The following DCC variants were observed in gnomAD, a reference collection of about 807,000 sequenced individuals.
DCC encodes netrin receptor DCC.
In DCC, 58 loss-of-function variants were observed where a neutral mutation model predicts 172.5. That is an observed-to-expected ratio of 0.34 (90% CI 0.27 to 0.42). DCC has a LOEUF of 0.42. Ranked by LOEUF, DCC falls within the 10% of genes least tolerant of loss-of-function variation. DCC has a pLI of 1.00. For synonymous variants in DCC, 709 were observed against 644.5 expected (o/e 1.10, Z -1.52); for missense variants, 1,740 against 1,791.0 (o/e 0.97, Z 0.51).
At chr18:52,912,901 G>C (rs1412134669) in intron 3 of DCC, among the ~76,000 whole-genome samples, 1 of 151,952 alleles carries the variant, frequency 6.6e-6, no homozygotes, top group African/African-American at 2.4e-5. Context: ...AAAGCTGCAA[G>C]GCCATGCTAT....
intron 5 of DCC, among the ~76,000 whole-genome samples, chr18:52,967,300 CCTT>C (rs1361420121): frequency 6.6e-6 from 1 of 152,142 alleles, no homozygotes; most frequent in Non-Finnish European, 1.5e-5. Flanking sequence ...CCTCTGTAGA[CCTT>C]CTCCCAAGGT....
At chr18:52,719,205 C>CATCCTGAG (rs1404579119) in intron 1 of DCC, among the ~76,000 whole-genome samples, 2 of 151,850 alleles carry the variant, frequency 1.3e-5, no homozygotes, top group Non-Finnish European at 1.5e-5. Context: ...AGGATGATTT[C>CATCCTGAG]ATCCTGAGAT....
intron 2 of DCC, among the ~76,000 whole-genome samples, chr18:52,784,852 G>A (rs1274663992): frequency 6.7e-6 from 1 of 149,920 alleles, no homozygotes; most frequent in Non-Finnish European, 1.5e-5. Context: ...GGGTTAAGAA[G>A]TAGAAAATTT....
rs940322443 is a variant in DCC at position 52,531,720 on chromosome 18, C to T, written c.91+190842C>T. The stretch of plus-strand genomic sequence containing the variant: ...ATACTGCTATCTTAGACTATTTCAA[C>T]GACATCCCTTGACATCCATATTCCT... On this transcript the variant is annotated intron_variant, in intron 1 of 28. Transcript: ENST00000442544. 2.6e-5 allele frequency among the ~76,000 whole-genome samples: 4 copies of T among 152,098 alleles called. No homozygotes were observed. The East Asian group carries it at 5.8e-4, about 22-fold the overall frequency.
At chr18:53,106,129 ATTG>A (rs2043242997) in intron 7 of DCC, among the ~76,000 whole-genome samples, 1 of 151,708 alleles carries the variant, frequency 6.6e-6, no homozygotes, top group Non-Finnish European at 1.5e-5. Flanking sequence ...GACACATCAG[ATTG>A]TTTTCTCTTT....
At chr18:53,419,771 A>T (rs911141394) in intron 21 of DCC, among the ~76,000 whole-genome samples, 6 of 152,148 alleles carry the variant, frequency 3.9e-5, no homozygotes, top group African/African-American at 1.4e-4. Context: ...ATTGAAACAC[A>T]GCTAGTAAGT....
At chr18:52,749,907 CTTG>C (rs2036969120) in intron 1 of DCC, among the ~76,000 whole-genome samples, 1 of 152,150 alleles carries the variant, frequency 6.6e-6, no homozygotes, top group African/African-American at 2.4e-5. Context: ...ATTAATGCTA[CTTG>C]TATGGAAATT....
At chr18:52,389,338 C>T (rs8087381) in intron 1 of DCC, among the ~76,000 whole-genome samples, 7,267 of 152,110 alleles carry the variant, frequency 0.048, 551 homozygotes, top group African/African-American at 0.16. Flanking sequence ...TCTCAAATAT[C>T]GCATGGAACA....
intron 2 of DCC, among the ~76,000 whole-genome samples, chr18:52,855,227 T>C (rs753420166): frequency 3.9e-5 from 6 of 152,192 alleles, no homozygotes; most frequent in Non-Finnish European, 8.8e-5. Context: ...CTTTTTCTCC[T>C]TATCCCAAGT....
chr18:52,632,182 A>G (rs2144881947), intron 1 of DCC, among the ~76,000 whole-genome samples: 1 of 152,312 alleles, frequency 6.6e-6, no homozygotes, highest in East Asian at 1.9e-4. Flanking sequence ...TGGTAAGTAA[A>G]TATTCATAAA....
chr18:53,046,417 A>G (rs1247153855), intron 5 of DCC, among the ~76,000 whole-genome samples: 1 of 151,896 alleles, frequency 6.6e-6, no homozygotes, highest in Non-Finnish European at 1.5e-5. Flanking sequence ...TGAATTGTTC[A>G]AGCTGAATAG....
At chr18:52,677,542 A>G (rs1007997652) in intron 1 of DCC, among the ~76,000 whole-genome samples, 4 of 152,078 alleles carry the variant, frequency 2.6e-5, no homozygotes, top group African/African-American at 9.7e-5. Flanking sequence ...TCAACCCATA[A>G]ATACATTCAT....
rs191434525 is a variant in DCC at position 52,455,329 on chromosome 18, C to T, written c.91+114451C>T. On this transcript the variant is annotated intron_variant, in intron 1 of 28. Transcript: ENST00000442544. Reference sequence around the variant, plus strand: ...CTGCAAGTCTTTTATTTACATCATCCATTTTTCATCCTTGATTATTCAGAA... The same window carrying T: ...CTGCAAGTCTTTTATTTACATCATCTATTTTTCATCCTTGATTATTCAGAA... 1.4e-3 allele frequency among the ~76,000 whole-genome samples: 215 copies of T among 152,236 alleles called. 8 individuals are homozygous for T. The highest frequency in any genetic ancestry group is 0.013 in the Admixed American group (206 of 15,278).
At chr18:52,923,040 G>A (rs2040148425) in intron 3 of DCC, among the ~76,000 whole-genome samples, 1 of 152,118 alleles carries the variant, frequency 6.6e-6, no homozygotes, top group African/African-American at 2.4e-5. Context: ...TGAAGTAGAA[G>A]GATGCAGAGA....
chr18:52,735,210 C>G (rs2036706270), intron 1 of DCC, among the ~76,000 whole-genome samples: 2 of 152,080 alleles, frequency 1.3e-5, no homozygotes, highest in South Asian at 4.1e-4. Context: ...GAGACCTTCC[C>G]CAGGAATTCC....
intron 12 of DCC, among the ~76,000 whole-genome samples, chr18:53,249,716 A>T (rs2144655265): frequency 6.6e-6 from 1 of 152,112 alleles, no homozygotes; most frequent in Non-Finnish European, 1.5e-5. Context: ...CCACATTTTA[A>T]AAAACAATAT....
At chr18:53,009,188 G>C (rs2041691332) in intron 5 of DCC, among the ~76,000 whole-genome samples, 1 of 151,960 alleles carries the variant, frequency 6.6e-6, no homozygotes, top group East Asian at 1.9e-4. Context: ...GAAGCATGAT[G>C]TCTTTCTTAT....
intron 1 of DCC, among the ~76,000 whole-genome samples, chr18:52,384,252 A>G (rs1432182998): frequency 6.6e-6 from 1 of 152,026 alleles, no homozygotes; most frequent in African/African-American, 2.4e-5. Context: ...ATCATTAGAG[A>G]CCTCTGTGCA....
intron 5 of DCC, among the ~76,000 whole-genome samples, chr18:52,927,951 A>G (rs2040245255): frequency 6.6e-6 from 1 of 152,118 alleles, no homozygotes; most frequent in Non-Finnish European, 1.5e-5. Flanking sequence ...TTCTACCATA[A>G]AGATACATAC....
Sources: allele counts gnomAD v4.1 joint callset (sites outside exome capture counted in the v4.1 genomes callset), GRCh38; gene constraint gnomAD v4.1.1; transcripts MANE v1.5; gene names NCBI Gene and HGNC (gene_info 2026-07-23, HGNC 2026-07-21).